Variants in KTN1 observed in about 807,000 individuals in gnomAD.
KTN1 encodes kinectin 1.
A neutral mutation model predicts 222.5 loss-of-function variants in KTN1; 130 were observed. The observed-to-expected ratio is 0.58, with a 90% CI of 0.51 to 0.68. The LOEUF (loss-of-function observed/expected upper bound fraction) is 0.68. Among genes scored for constraint, KTN1 ranks in the 30% least tolerant of loss-of-function variants. KTN1 has a pLI of 0.00. For synonymous variants in KTN1, 512 were observed against 496.3 expected, an observed-to-expected ratio of 1.03 and a Z score of -0.42; for missense variants, 1,508 against 1,500.4, an observed-to-expected ratio of 1.01 and a Z score of -0.08.
chr14:55,641,602 T>C, intron 17 of KTN1, 90 bp from the exon 18 acceptor site: 1 of 828,380 alleles, frequency 1.2e-6, no homozygotes, highest in East Asian at 2.4e-5. Context: ...AAAGCTGAGA[T>C]AAAGGTTTGA....
intron 42 of KTN1, chr14:55,679,361 G>A: frequency 2.3e-6 from 1 of 437,530 alleles, no homozygotes; most frequent in Non-Finnish European, 4.0e-6. Context: ...TTATAACATA[G>A]TTTTCTTTGG....
intron 18 of KTN1, among the ~76,000 whole-genome samples, chr14:55,644,643 T>TAAAA (rs1456158451): frequency 6.6e-6 from 1 of 151,664 alleles, no homozygotes; most frequent in African/African-American, 2.4e-5. Context: ...TTCCAGTAGA[T>TAAAA]TTTTAAGATT....
intron 1 of KTN1, among the ~76,000 whole-genome samples, chr14:55,584,819 T>A (rs942793072): frequency 2.0e-5 from 3 of 152,110 alleles, no homozygotes; most frequent in Non-Finnish European, 4.4e-5. Flanking sequence ...AGGTCCTCAA[T>A]AAGAATTTGT....
chr14:55,615,857 CCTTT>C (rs747730217), intron 2 of KTN1, among the ~76,000 whole-genome samples: 11 of 150,380 alleles, frequency 7.3e-5, no homozygotes, highest in Non-Finnish European at 1.2e-4. Context: ...CCTTTCCTTC[CCTTT>C]CTTTCTTCCT....
chr14:55,611,227 C>T (rs2037512497), intron 1 of KTN1, among the ~76,000 whole-genome samples: 1 of 151,282 alleles, frequency 6.6e-6, no homozygotes. Flanking sequence ...GCTGGGACTA[C>T]AGGCTCACTT....
At chr14:55,631,341 G>GAGATAGATAT (rs71448461) in intron 7 of KTN1, among the ~76,000 whole-genome samples, 43 of 114,696 alleles carry the variant, frequency 3.7e-4, no homozygotes, top group Admixed American at 6.5e-4. Context: ...TGATAAGGTT[G>GAGATAGATAT]ATATATATAT....
rs1466262629 is a variant in KTN1 at position 55,580,231 on chromosome 14, G to C, written c.-154G>C. 1.3e-5 allele frequency: 2 copies of C among 151,426 alleles called. No individual in the cohort carries two copies. Among genetic ancestry groups the C allele is most frequent in the African/African-American group, 4.9e-5 (2 of 40,850 alleles). 9.4% of individuals were successfully genotyped at this position (151,426 alleles called of 1,614,324 possible). On this transcript the variant is annotated 5_prime_UTR_variant, in exon 1 of 44. Transcript: ENST00000395314. ...CGAAGCCGCCCGTTTCCTGCCGAGC[G>C]GCGCGACGGCACCTGAGCGACTGCG... is the stretch of plus-strand genomic sequence containing the variant.
chr14:55,582,370 A>G (rs929375382), intron 1 of KTN1, among the ~76,000 whole-genome samples: 13 of 152,108 alleles, frequency 8.5e-5, no homozygotes, highest in Non-Finnish European at 1.6e-4. Context: ...TAATAATTAT[A>G]TTTTTAATAT....
chr14:55,658,131 G>C (rs1431799738), intron 29 of KTN1, among the ~76,000 whole-genome samples: 1 of 151,994 alleles, frequency 6.6e-6, no homozygotes, highest in Non-Finnish European at 1.5e-5. Context: ...GACATTTTTG[G>C]TTGTCACAGC....
intron 1 of KTN1, among the ~76,000 whole-genome samples, chr14:55,606,838 A>G (rs2036801536): frequency 6.6e-6 from 1 of 152,174 alleles, no homozygotes; most frequent in South Asian, 2.1e-4. Flanking sequence ...AAATGTAATG[A>G]TTCTCATTTT....
chr14:55,585,122 A>G (rs1327551537), intron 1 of KTN1, among the ~76,000 whole-genome samples: 3 of 134,676 alleles, frequency 2.2e-5, no homozygotes, highest in African/African-American at 8.8e-5. Flanking sequence ...ACAGAGTGAG[A>G]CTGTGTCTCA....
chr14:55,631,341 GAT>G (rs56190231), intron 7 of KTN1, among the ~76,000 whole-genome samples: 3,812 of 114,612 alleles, frequency 0.033, 201 homozygotes, highest in African/African-American at 0.11. Flanking sequence ...TGATAAGGTT[GAT>G]ATATATATAT....
At chr14:55,670,694 TGGAAA>T (rs1220931087) in intron 34 of KTN1, 30 bp from the exon 35 acceptor site, 1 of 1,450,754 alleles carries the variant, frequency 6.9e-7, no homozygotes, top group Non-Finnish European at 9.5e-7. Context: ...TTTTTTTCTT[TGGAAA>T]TTAATGATTT....
At position 55,661,904 on chromosome 14, in the gene KTN1, A is replaced by T. The variant is rs115436145; in HGVS notation, c.3090+292A>T. 450 of 201,096 alleles carry T rather than the reference A, an allele frequency of 2.2e-3. 3 individuals carry two copies. Among genetic ancestry groups the T allele is most frequent in the African/African-American group, 9.7e-3 (423 of 43,462 alleles). The allele number at this position is 201,096 out of a possible 1,614,324, so 12.5% of individuals were successfully genotyped here. ...AAAAATGCAATTGACTTTTTGTTGA[A>T]CTTTTATTTGGAAAAACATGTTTTT... On this transcript the variant is annotated intron_variant, in intron 32 of 43. Coordinates refer to ENST00000395314, the MANE Select transcript of KTN1 (RefSeq NM_001079521.2).
chr14:55,679,314 C>G (rs190721678), intron 42 of KTN1: 54 of 357,714 alleles, frequency 1.5e-4, no homozygotes, highest in African/African-American at 1.0e-3. Context: ...TTCATAGATT[C>G]TAGATTTTTT....
intron 17 of KTN1, 44 bp downstream of exon 17, chr14:55,641,252 T>A: frequency 8.9e-7 from 1 of 1,123,176 alleles, no homozygotes; most frequent in Non-Finnish European, 1.3e-6. Context: ...AGAACAACCT[T>A]GTATACTTTT....
chr14:55,649,202 T>G (rs143568393), intron 21 of KTN1, among the ~76,000 whole-genome samples: 1 of 152,226 alleles, frequency 6.6e-6, no homozygotes. Flanking sequence ...GTTGGAATTA[T>G]AGGCATGAGG....
Position 55,641,192 on chromosome 14 carries a change from A to C in KTN1, c.2087A>C (p.Lys696Thr), listed in dbSNP as rs775513418. ...EEQLQHEISN[K>T]MEEFKILNDQ... The stretch of plus-strand genomic sequence containing the variant: ...CAACTACAACATGAAATTTCAAACA[A>C]AATGGAAGAATTTAAGGTGTGTGAT... Residue 696 changes from lysine to threonine, a missense_variant, in exon 17 of 44, where the codon AAA becomes ACA. By Grantham distance (78) the Lys-to-Thr change is moderately conservative (BLOSUM62 -1). Transcript: ENST00000395314. 6.3e-7 allele frequency: 1 copy of C among 1,592,004 alleles called. No individual in the cohort carries two copies. Among genetic ancestry groups the C allele is most frequent in the Non-Finnish European group, 8.6e-7 (1 of 1,167,076 alleles).
intron 1 of KTN1, among the ~76,000 whole-genome samples, chr14:55,595,039 C>T (rs1033194149): frequency 1.3e-5 from 2 of 152,250 alleles, no homozygotes; most frequent in East Asian, 1.9e-4. Context: ...GTTCACAACA[C>T]GGGAAATAGA....
Sources: gnomAD v4.1 joint callset for allele counts (sites outside exome capture counted in the v4.1 genomes callset) on GRCh38, gnomAD v4.1.1 for gene constraint, MANE v1.5 for transcripts, NCBI Gene and HGNC (gene_info 2026-07-23, HGNC 2026-07-21) for gene names.